Variants in CAMKMT observed in about 807,000 individuals in gnomAD.
CAMKMT encodes the protein CaM KMT.
Under a neutral mutation model 48.0 loss-of-function variants are expected in CAMKMT, and 53 were observed. The observed-to-expected ratio is 1.10, with a 90% CI of 0.89 to 1.39. The LOEUF (loss-of-function observed/expected upper bound fraction) is 1.39, where lower values mean the gene tolerates loss of function less well. CAMKMT is among the 40% of genes most tolerant of loss of function. CAMKMT has a pLI of 0.00. For missense variants in CAMKMT, 428 were observed against 402.7 expected, an observed-to-expected ratio of 1.06 and a Z score of -0.54; for synonymous variants, 165 against 152.3, an observed-to-expected ratio of 1.08 and a Z score of -0.61.
At chr2:44,745,447 C>T (rs536569254) in intron 8 of CAMKMT, among the ~76,000 whole-genome samples, 4 of 152,208 alleles carry the variant, frequency 2.6e-5, no homozygotes, top group South Asian at 2.1e-4. Context: ...TTTCCCTAGC[C>T]GACAACAGGG....
chr2:44,463,308 A>G (rs931186838), intron 3 of CAMKMT, among the ~76,000 whole-genome samples: 6 of 152,338 alleles, frequency 3.9e-5, no homozygotes, highest in Non-Finnish European at 7.3e-5. Flanking sequence ...TAGCTCCAGA[A>G]GCCAGTTGTG....
chr2:44,739,756 C>A (rs1196367718), intron 7 of CAMKMT, among the ~76,000 whole-genome samples: 1 of 151,972 alleles, frequency 6.6e-6, no homozygotes, highest in Non-Finnish European at 1.5e-5. Flanking sequence ...GAGGAATTGG[C>A]AACAGAGCGT....
chr2:44,767,659 A>G (rs1304534431), intron 10 of CAMKMT, among the ~76,000 whole-genome samples: 2 of 152,170 alleles, frequency 1.3e-5, no homozygotes, highest in Non-Finnish European at 2.9e-5. Flanking sequence ...GCTCATGATC[A>G]GAAAATAAAA....
At chr2:44,364,886 C>G (rs536645869) in intron 1 of CAMKMT, among the ~76,000 whole-genome samples, 1 of 152,176 alleles carries the variant, frequency 6.6e-6, no homozygotes, top group Admixed American at 6.5e-5. Flanking sequence ...CACAGAGACA[C>G]ATTTTAAACC....
At chr2:44,596,188 C>G (rs1009574267) in intron 3 of CAMKMT, among the ~76,000 whole-genome samples, 9 of 151,758 alleles carry the variant, frequency 5.9e-5, no homozygotes, top group African/African-American at 2.2e-4. Flanking sequence ...GTGGCTCACA[C>G]CTGTAATCCA....
intron 3 of CAMKMT, among the ~76,000 whole-genome samples, chr2:44,421,329 C>T (rs1472036166): frequency 6.6e-6 from 1 of 152,084 alleles, no homozygotes; most frequent in Non-Finnish European, 1.5e-5. Flanking sequence ...TTGATAAGAA[C>T]ATCCACAGAC....
intron 6 of CAMKMT, 49 bp downstream of exon 6, chr2:44,707,511 C>A: frequency 6.7e-7 from 1 of 1,498,962 alleles, no homozygotes; most frequent in South Asian, 1.2e-5. Flanking sequence ...ATTCCTTTTT[C>A]CTGGCTGAGT....
chr2:44,732,505 G>A (rs536330320), intron 7 of CAMKMT, among the ~76,000 whole-genome samples: 51 of 152,278 alleles, frequency 3.3e-4, no homozygotes, highest in African/African-American at 1.2e-3. Flanking sequence ...TGCTTTAGAT[G>A]GTAAAACTTA....
chr2:44,755,192 A>G lies in CAMKMT; in HGVS notation c.762+1074A>G, dbSNP rs55905064. On this transcript the variant is annotated intron_variant, in intron 9 of 10. Transcript: ENST00000378494. ...CTTAAAACAGGTGTCTTGGAGGAGT[A>G]GCCATAGCTTCGTAAGTGGTAGTCA... Among the ~76,000 whole-genome samples the G allele has an allele frequency of 3.8e-3, 574 of 152,304 alleles. 3 individuals carry two copies. Among genetic ancestry groups the G allele is most frequent in the Middle Eastern group, 0.01 (3 of 294 alleles).
rs142140068 is a variant in CAMKMT, at chr2:44,632,428, G to A, written c.377-71855G>A. 8.0e-4 allele frequency among the ~76,000 whole-genome samples: 122 copies of A among 152,202 alleles called. 1 individual carries two copies. Among genetic ancestry groups the A allele is most frequent in the African/African-American group, 2.8e-3 (117 of 41,532 alleles). Reference sequence around the variant, plus strand: ...TTTTTCAAAATAAATTTCATCGTATGTATTTGAGGTTTACAACATGATGTT... The same window carrying A: ...TTTTTCAAAATAAATTTCATCGTATATATTTGAGGTTTACAACATGATGTT... On this transcript the variant is annotated intron_variant, in intron 3 of 10. Coordinates refer to ENST00000378494, the MANE Select transcript of CAMKMT (RefSeq NM_024766.5).
intron 1 of CAMKMT, among the ~76,000 whole-genome samples, chr2:44,370,611 G>A (rs1323114812): frequency 1.3e-5 from 2 of 151,160 alleles, no homozygotes; most frequent in Non-Finnish European, 3.0e-5. Context: ...TAGTATTATC[G>A]ATCCTCTCTC....
intron 6 of CAMKMT, among the ~76,000 whole-genome samples, chr2:44,708,211 A>ATTTTTTTTTTTTTT (rs59281575): frequency 1.8e-4 from 12 of 68,194 alleles, no homozygotes; most frequent in South Asian, 1.4e-3. Flanking sequence ...TTTGCTTTGG[A>ATTTTTTTTTTTTTT]TTTTTTTTTT....
At chr2:44,612,291 G>A (rs1284385867) in intron 3 of CAMKMT, among the ~76,000 whole-genome samples, 1 of 152,136 alleles carries the variant, frequency 6.6e-6, no homozygotes, top group Non-Finnish European at 1.5e-5. Context: ...TTAAAGGGGA[G>A]TAGCTGTCAA....
intron 3 of CAMKMT, among the ~76,000 whole-genome samples, chr2:44,464,406 G>A (rs1468677978): frequency 2.0e-5 from 3 of 152,082 alleles, no homozygotes; most frequent in Admixed American, 2.0e-4. Context: ...AGAGAGAATA[G>A]GACAGAGAGC....
At chr2:44,420,503 T>C (rs767170581) in intron 3 of CAMKMT, among the ~76,000 whole-genome samples, 47 of 152,256 alleles carry the variant, frequency 3.1e-4, no homozygotes, top group Middle Eastern at 6.8e-3. Context: ...GACTTTTTTA[T>C]TGATGAAAAT....
chr2:44,424,501 A>G (rs1348886462), intron 3 of CAMKMT, among the ~76,000 whole-genome samples: 1 of 152,204 alleles, frequency 6.6e-6, no homozygotes, highest in Non-Finnish European at 1.5e-5. Context: ...ATGTTTCCTC[A>G]TACAATATCT....
At chr2:44,715,891 G>A (rs1678152086) in intron 7 of CAMKMT, among the ~76,000 whole-genome samples, 1 of 152,172 alleles carries the variant, frequency 6.6e-6, no homozygotes, top group African/African-American at 2.4e-5. Context: ...TGCCAACACT[G>A]AGAAACCCTG....
At chr2:44,547,085 T>C (rs1667450032) in intron 3 of CAMKMT, among the ~76,000 whole-genome samples, 2 of 152,146 alleles carry the variant, frequency 1.3e-5, no homozygotes, top group African/African-American at 2.4e-5. Flanking sequence ...AAGAACTTGA[T>C]TGAGCAGAAA....
At chr2:44,415,014 C>T (rs1339581953) in intron 3 of CAMKMT, among the ~76,000 whole-genome samples, 2 of 152,248 alleles carry the variant, frequency 1.3e-5, no homozygotes, top group East Asian at 1.9e-4. Flanking sequence ...ATTATCTGGG[C>T]ATGGCGGTGT....
Sources: allele counts gnomAD v4.1 joint callset (sites outside exome capture counted in the v4.1 genomes callset), GRCh38; gene constraint gnomAD v4.1.1; transcripts MANE v1.5; gene names NCBI Gene and HGNC (gene_info 2026-07-23, HGNC 2026-07-21).